CCDC7: variants seen among roughly 807,000 people sequenced by gnomAD.
CCDC7 encodes the protein coiled-coil domain-containing protein 7.
Under a neutral mutation model 196.9 loss-of-function variants are expected in CCDC7, and 183 were observed. That is an observed-to-expected ratio of 0.93 (90% CI 0.82 to 1.05). CCDC7 has a LOEUF of 1.05. Ranked by LOEUF, CCDC7 falls within the 50% of genes least tolerant of loss-of-function variation. The probability of loss-of-function intolerance (pLI) is 0.00; values close to 1 mark genes in which losing one functional copy is unlikely to be tolerated. For missense variants in CCDC7, 1,540 were observed against 1,482.2 expected, an observed-to-expected ratio of 1.04 and a Z score of -0.64; for synonymous variants, 525 against 484.6, an observed-to-expected ratio of 1.08 and a Z score of -1.10.
At chr10:32,492,924 T>C (rs1246371812) in intron 9 of CCDC7, among the ~76,000 whole-genome samples, 1 of 152,166 alleles carries the variant, frequency 6.6e-6, no homozygotes. Flanking sequence ...TAAACTCATT[T>C]AATTTCTTTT....
chr10:32,560,471 C>T (rs190453546), intron 13 of CCDC7, among the ~76,000 whole-genome samples: 4,392 of 152,290 alleles, frequency 0.029, 71 homozygotes, highest in Middle Eastern at 0.065. Flanking sequence ...AATAGCGGAT[C>T]TCTCAGCAGA....
chr10:32,505,344 T>C (rs1029683833), intron 9 of CCDC7, among the ~76,000 whole-genome samples: 1 of 152,128 alleles, frequency 6.6e-6, no homozygotes, highest in Non-Finnish European at 1.5e-5. Context: ...CCTTCCACAG[T>C]GTCCCTGGGT....
chr10:32,689,184 T>A, intron 23 of CCDC7, 21 bp downstream of exon 24: 1 of 1,405,920 alleles, frequency 7.1e-7, no homozygotes. Flanking sequence ...AAAGTAAAGA[T>A]AACTTTAAAT....
chr10:32,745,927 T>C (rs2133299747), intron 28 of CCDC7, among the ~76,000 whole-genome samples: 1 of 152,360 alleles, frequency 6.6e-6, no homozygotes, highest in African/African-American at 2.4e-5. Context: ...TTTATATGTA[T>C]TTTGTCAGCT....
chr10:32,596,638 A>G (rs1288401485), intron 18 of CCDC7, among the ~76,000 whole-genome samples: 1 of 152,224 alleles, frequency 6.6e-6, no homozygotes. Context: ...GACGATCTTT[A>G]CAATTTGGCA....
chr10:32,666,838 G>A (rs924167247), intron 21 of CCDC7, among the ~76,000 whole-genome samples: 12 of 152,024 alleles, frequency 7.9e-5, no homozygotes, highest in Admixed American at 2.0e-4. Flanking sequence ...ATAAACATAC[G>A]TGTGCATGTG....
intron 18 of CCDC7, among the ~76,000 whole-genome samples, chr10:32,590,672 G>A (rs2059701532): frequency 6.6e-6 from 1 of 152,118 alleles, no homozygotes; most frequent in Non-Finnish European, 1.5e-5. Context: ...CAGGTCTGGT[G>A]TTGATAAAAT....
chr10:32,596,401 A>G (rs1376896780), intron 18 of CCDC7, among the ~76,000 whole-genome samples: 2 of 151,540 alleles, frequency 1.3e-5, no homozygotes, highest in Non-Finnish European at 2.9e-5. Context: ...ATCTTCCTCC[A>G]TCCCTTTTTT....
intron 9 of CCDC7, among the ~76,000 whole-genome samples, chr10:32,497,260 C>T (rs752115503): frequency 3.9e-5 from 6 of 151,962 alleles, no homozygotes; most frequent in Non-Finnish European, 5.9e-5. Flanking sequence ...TTTTTTATTG[C>T]GTCTGTTTGA....
intron 24 of CCDC7, among the ~76,000 whole-genome samples, chr10:32,707,879 GA>G (rs1363638274): frequency 1.3e-5 from 2 of 152,118 alleles, no homozygotes; most frequent in Admixed American, 1.3e-4. Flanking sequence ...TCAATATCGT[GA>G]AAATGGCCAT....
At chr10:32,594,931 G>A (rs950281287) in intron 18 of CCDC7, among the ~76,000 whole-genome samples, 3 of 152,184 alleles carry the variant, frequency 2.0e-5, no homozygotes, top group Non-Finnish European at 4.4e-5. Context: ...GCTTTTTGAT[G>A]TGCTGCTGAA....
intron 41 of CCDC7, among the ~76,000 whole-genome samples, chr10:32,863,947 GA>G (rs1391493520): frequency 7.4e-6 from 1 of 135,154 alleles, no homozygotes; most frequent in Non-Finnish European, 1.6e-5. Flanking sequence ...ACACTGCAAA[GA>G]AAACAATTAA....
At chr10:32,873,614 T>C (rs1015655144) in intron 41 of CCDC7, among the ~76,000 whole-genome samples, 60 of 151,996 alleles carry the variant, frequency 3.9e-4, no homozygotes, top group African/African-American at 1.4e-3. Flanking sequence ...CACATTTTGT[T>C]TATCCGCTCA....
intron 18 of CCDC7, among the ~76,000 whole-genome samples, chr10:32,597,664 T>C (rs934611723): frequency 1.5e-4 from 23 of 152,168 alleles, no homozygotes; most frequent in African/African-American, 4.6e-4. Flanking sequence ...TTTATCTACG[T>C]TTGGTCTTTG....
chr10:32,502,522 A>G (rs571670064), intron 9 of CCDC7, among the ~76,000 whole-genome samples: 74 of 151,862 alleles, frequency 4.9e-4, no homozygotes, highest in African/African-American at 1.7e-3. Context: ...TTTTGGCTGT[A>G]TCTGTTTTGA....
chr10:32,451,554 C>G, upstream of CCDC7: 1 of 1,475,548 alleles, frequency 6.8e-7, no homozygotes, highest in Non-Finnish European at 9.0e-7. Flanking sequence ...TTAATTAGAG[C>G]CTGGTGTTTT....
intron 18 of CCDC7, among the ~76,000 whole-genome samples, chr10:32,585,473 C>T (rs1430340342): frequency 6.6e-6 from 1 of 151,990 alleles, no homozygotes; most frequent in Non-Finnish European, 1.5e-5. Flanking sequence ...TTTGCTGCAC[C>T]CATCAACCCG....
In CCDC7 at chr10:32,872,021, A is replaced by C. The variant is rs180708123; in HGVS notation, c.4112-4326A>C. On this transcript the variant is annotated intron_variant, in intron 41 of 41. Coordinates refer to ENST00000639629, the Ensembl canonical transcript of CCDC7. The stretch of plus-strand genomic sequence containing the variant: ...TAGCTGAGGAGTGCTTTACTTCCAA[A>C]TATGTGGTCAATTTTGGAATAGGTG... Among the ~76,000 whole-genome samples, 1,207 of 152,078 alleles carry C rather than the reference A, an allele frequency of 7.9e-3. 7 individuals are homozygous for C. The highest frequency in any genetic ancestry group is 0.02 in the Middle Eastern group (6 of 294).
intron 18 of CCDC7, among the ~76,000 whole-genome samples, chr10:32,606,227 A>G (rs971835153): frequency 2.0e-5 from 3 of 152,220 alleles, no homozygotes; most frequent in African/African-American, 7.2e-5. Flanking sequence ...ACAAGAGTAA[A>G]GGAGGCTTGG....
Sources: allele counts gnomAD v4.1 joint callset (sites outside exome capture counted in the v4.1 genomes callset), GRCh38; gene constraint gnomAD v4.1.1; transcripts MANE v1.5; gene names NCBI Gene and HGNC (gene_info 2026-07-23, HGNC 2026-07-21).